HK3: variants seen among roughly 807,000 people sequenced by gnomAD.
The protein encoded by HK3 is hexokinase-3.
A neutral mutation model predicts 91.0 loss-of-function variants in HK3; 93 were observed. The ratio of observed to expected loss-of-function variants is 1.02; its 90% CI spans 0.86 to 1.21. The LOEUF (loss-of-function observed/expected upper bound fraction) is 1.21, where lower values mean the gene tolerates loss of function less well. Ranked by LOEUF, HK3 falls within the 50% of genes most tolerant of loss-of-function variation. HK3 has a pLI of 0.00. For synonymous variants in HK3, 519 were observed against 516.9 expected, an observed-to-expected ratio of 1.00 and a Z score of -0.06; for missense variants, 1,235 against 1,247.4, an observed-to-expected ratio of 0.99 and a Z score of 0.15.
In HK3 at chr5:176,881,857, CAT is replaced by C; in HGVS notation, c.2238-12_2238-11del. ...GATCATCTTTTCAAACCTGCATGAA[CAT>C]GTGTGCACTCGGCAGAAGGCCCCAC... On this transcript the variant is annotated splice_polypyrimidine_tract_variant and intron_variant, in intron 16 of 18. Transcript: ENST00000292432. The C allele has an allele frequency of 1.9e-6, 3 of 1,607,726 alleles. No homozygotes were observed. The highest frequency in any genetic ancestry group is 2.3e-5 in the East Asian group (1 of 44,376).
In HK3 at chr5:176,891,174, C is replaced by T. The variant is rs761051620; in HGVS notation, c.277G>A (p.Val93Met). 1.9e-5 allele frequency: 30 copies of T among 1,614,064 alleles called. No individual in the cohort carries two copies. The highest frequency in any genetic ancestry group is 3.3e-5 in the South Asian group (3 of 91,094). Residue 93 changes from valine to methionine, a missense_variant, in exon 4 of 19, where the codon GTG becomes ATG. By Grantham distance (21) the Val-to-Met change is conservative (BLOSUM62 1). Around this residue, in one of 3 missense-constraint regions of HK3, gnomAD observed 717 missense variants for 751.6 expected, o/e 0.95. Transcript: ENST00000292432. ...PHGTEQGDFVVLELGATGASL... is the reference protein window; with the variant it reads ...PHGTEQGDFVMLELGATGASL... ...GCCCCTGTGGCCCCCAGCTCCAGCA[C>T]CACGAAGTCTCCTTGCTCTGGAGGG...
Position 176,887,511 on chromosome 5 carries a change from C to G in HK3, c.1540G>C (p.Gly514Arg). ...MRKAMAKGLR[G>R]EASSLRMLPT... ...AGCATGCGAAGGGAGGAGGCCTCCC[C>G]TCGGAGCCCCTTGGCCATGGCCTTC... The change falls in exon 11 of 19, where the codon GGG becomes CGG. Residue 514 changes from glycine to arginine, a missense_variant. By Grantham distance (125) the Gly-to-Arg change is moderately radical. This residue lies in a region of HK3 where 717 missense variants were observed against 751.6 expected (regional missense o/e 0.95). Coordinates refer to ENST00000292432, the MANE Select transcript of HK3 (RefSeq NM_002115.3). The surrounding 1 kb of genome is among the most constrained non-coding windows in gnomAD (Gnocchi z 4.9). 1 of 1,613,620 alleles carries G rather than the reference C, an allele frequency of 6.2e-7. No homozygotes were observed. Among genetic ancestry groups the G allele is most frequent in the South Asian group, 1.1e-5 (1 of 91,086 alleles).
At position 176,881,487 on chromosome 5, in the gene HK3, C is replaced by T. The variant is rs370516409; in HGVS notation, c.2442G>A (p.Gly814=). 6.2e-7 allele frequency: 1 copy of T among 1,607,436 alleles called. No individual in the cohort carries two copies. The highest frequency in any genetic ancestry group is 8.5e-7 in the Non-Finnish European group (1 of 1,179,898). The part of the protein sequence containing the change: ...RQVRAILEDL[G]LPLTSDDALM... ...GGGCGTCATCTGAGGTCAGGGGTAG[C>T]CCCAGATCCTCTAGGATGGCTCGGA... Residue 814 remains glycine, a synonymous_variant, in exon 18 of 19, where the codon GGG becomes GGA. Transcript: ENST00000292432.
At chr5:176,888,989 C>A in intron 8 of HK3, 125 bp from the exon 9 acceptor site, 1 of 1,070,250 alleles carries the variant, frequency 9.3e-7, no homozygotes, top group Non-Finnish European at 1.3e-6. Flanking sequence ...ACTCCAGAAG[C>A]AACGAATAGC....
At chr5:176,894,875 C>G (rs990266868) in intron 2 of HK3, among the ~76,000 whole-genome samples, 2 of 149,482 alleles carry the variant, frequency 1.3e-5, no homozygotes, top group African/African-American at 4.9e-5. Flanking sequence ...CTCCCGGGTT[C>G]ACACCATTCT....
In HK3 at chr5:176,887,763, G is replaced by C. The variant is rs74510239; in HGVS notation, c.1305-17C>G. On this transcript the variant is annotated splice_polypyrimidine_tract_variant and intron_variant, in intron 10 of 18. Transcript: ENST00000292432. This position sits in a 1 kb window ranked among gnomAD's most constrained non-coding sequence, Gnocchi z 4.9. Reference sequence around the variant, plus strand: ...CTGCAGAACCTACAGATACATACAGGTGCACCCGGCTTGGCCCTGGACCCC... The same window carrying C: ...CTGCAGAACCTACAGATACATACAGCTGCACCCGGCTTGGCCCTGGACCCC... 161 of 1,587,366 alleles carry C rather than the reference G, an allele frequency of 1.0e-4. No homozygotes were observed. The African/African-American group carries it at 2.1e-3, about 20-fold the overall frequency.
At position 176,889,373 on chromosome 5, in the gene HK3, C is replaced by T. The variant is rs79712587; in HGVS notation, c.914+8G>A. 287 of 1,611,978 alleles carry T rather than the reference C, an allele frequency of 1.8e-4. 3 individuals are homozygous for T. The East Asian group carries it at 6.3e-3, about 35-fold the overall frequency. ...GGAACCAAAGGTCAGGGCCCCCTGC[C>T]AGGTCACCTCTGAGCACCAGGATTC... On this transcript the variant is annotated splice_region_variant and intron_variant, in intron 8 of 18. Coordinates refer to ENST00000292432, the MANE Select transcript of HK3 (RefSeq NM_002115.3).
intron 15 of HK3, 98 bp from the exon 16 acceptor site, chr5:176,882,225 C>T: frequency 8.2e-7 from 1 of 1,213,354 alleles, no homozygotes; most frequent in Admixed American, 1.9e-5. Context: ...CGGGCTCACT[C>T]TCTCTACCTC....
At chr5:176,886,509 T>G (rs902232144) in intron 13 of HK3, among the ~76,000 whole-genome samples, 3 of 151,962 alleles carry the variant, frequency 2.0e-5, no homozygotes, top group Admixed American at 1.3e-4. Context: ...GAGAAGTCCC[T>G]CATCCTTGTG....
At chr5:176,893,340 C>T (rs1758825137) in intron 2 of HK3, among the ~76,000 whole-genome samples, 1 of 152,198 alleles carries the variant, frequency 6.6e-6, no homozygotes, top group African/African-American at 2.4e-5. Context: ...AAAGAAACCC[C>T]AGATGATCCG....
chr5:176,896,424 T>C lies in HK3; in HGVS notation c.-26-239A>G, dbSNP rs796476181. On this transcript the variant is annotated intron_variant, in intron 1 of 18. Coordinates refer to ENST00000292432, the MANE Select transcript of HK3 (RefSeq NM_002115.3). Reference sequence around the variant, plus strand: ...TTTCAGTCCAAATGCCATTCGTTAATTCTGTCATTCATTGACATTCACCAG... The same window carrying C: ...TTTCAGTCCAAATGCCATTCGTTAACTCTGTCATTCATTGACATTCACCAG... Among the ~76,000 whole-genome samples the C allele has an allele frequency of 1.1e-4, 16 of 152,362 alleles. 1 individual carries two copies. Among genetic ancestry groups the C allele is most frequent in the African/African-American group, 3.8e-4 (16 of 41,598 alleles).
chr5:176,889,780 T>C (rs578067459), intron 6 of HK3, 36 bp from the exon 7 acceptor site: 30 of 1,585,910 alleles, frequency 1.9e-5, no homozygotes, highest in Non-Finnish European at 2.5e-5. Flanking sequence ...AAGGCTGGCC[T>C]GAGTGGCCAG....
At chr5:176,889,811 G>T in intron 6 of HK3, 67 bp from the exon 7 acceptor site, 2 of 1,339,646 alleles carry the variant, frequency 1.5e-6, no homozygotes, top group South Asian at 1.2e-5. Flanking sequence ...CCAGGGGATG[G>T]GCAGGGCTGG....
At chr5:176,882,186 G>A in intron 15 of HK3, 59 bp from the exon 16 acceptor site, 1 of 1,571,936 alleles carries the variant, frequency 6.4e-7, no homozygotes, top group Non-Finnish European at 8.7e-7. Flanking sequence ...GACCCTCTGA[G>A]CACTTCCCAT....
At chr5:176,895,953 C>T in intron 2 of HK3, 111 bp downstream of exon 2, 1 of 846,002 alleles carries the variant, frequency 1.2e-6, no homozygotes, top group South Asian at 1.4e-5. Context: ...ATGAAAAGCT[C>T]AGTGGAAAGG....
intron 2 of HK3, among the ~76,000 whole-genome samples, chr5:176,894,743 G>C (rs1416335919): frequency 6.6e-6 from 1 of 151,122 alleles, no homozygotes; most frequent in African/African-American, 2.4e-5. Context: ...AATGACTCAA[G>C]TACCCTTTAG....
Position 176,891,100 on chromosome 5 carries a change from C to A in HK3, c.351G>T (p.Arg117Ser). ...CAAACTCCTGGCTTCTGGGCTCCAC[C>A]CTATGCCCCTCAATGCCAGTTAGAG... ...WVTLTGIEGHRVEPRSQEFVI... is the reference protein window; with the variant it reads ...WVTLTGIEGHSVEPRSQEFVI... The change falls in exon 4 of 19, where the codon AGG becomes AGT. Residue 117 changes from arginine to serine, a missense_variant. Coordinates refer to ENST00000292432, the MANE Select transcript of HK3 (RefSeq NM_002115.3). The A allele has an allele frequency of 6.2e-7, 1 of 1,614,016 alleles. No homozygotes were observed. Among genetic ancestry groups the A allele is most frequent in the East Asian group, 2.2e-5 (1 of 44,886 alleles).
chr5:176,895,076 C>CTT (rs35622796), intron 2 of HK3, among the ~76,000 whole-genome samples: 42 of 113,722 alleles, frequency 3.7e-4, no homozygotes, highest in African/African-American at 1.1e-3. Flanking sequence ...TGCGCCCGGA[C>CTT]TTTTTTTTTT....
chr5:176,889,414 A>G lies in HK3; in HGVS notation c.881T>C (p.Leu294Pro), dbSNP rs565637507. The part of the protein sequence containing the change: ...GPVLTTFDHT[L>P]DHESLNPGAQ... ...ACCAGGATTCAGGGACTCATGGTCC[A>G]GGGTATGGTCGAAGGTGGTCAGCAC... The change falls in exon 8 of 19, where the codon CTG (leucine) becomes CCG (proline). Residue 294 changes from leucine (L) to proline (P), a missense_variant. Physicochemically the swap from Leu to Pro is moderately conservative, Grantham distance 98 (BLOSUM62 -3). This residue lies in a region of HK3 where 717 missense variants were observed against 751.6 expected (regional missense o/e 0.95). Coordinates refer to ENST00000292432, the MANE Select transcript of HK3 (RefSeq NM_002115.3). The G allele has an allele frequency of 1.2e-6, 2 of 1,614,046 alleles. No homozygotes were observed. The highest frequency in any genetic ancestry group is 2.7e-5 in the African/African-American group (2 of 74,930).
Sources: allele counts gnomAD v4.1 joint callset (sites outside exome capture counted in the v4.1 genomes callset), GRCh38; gene constraint gnomAD v4.1.1; regional missense constraint gnomAD v4.1.1; non-coding constraint Gnocchi (gnomAD v3.1); transcripts MANE v1.5; gene names NCBI Gene and HGNC (gene_info 2026-07-23, HGNC 2026-07-21).